Variants in KCNH5 observed in about 807,000 individuals in gnomAD.
KCNH5 encodes potassium voltage-gated channel subfamily H member 5.
In KCNH5, 46 loss-of-function variants were observed where a neutral mutation model predicts 96.1. The observed-to-expected ratio is 0.48, with a 90% confidence interval of 0.38 to 0.61. The LOEUF (loss-of-function observed/expected upper bound fraction) is 0.61, where lower values mean the gene tolerates loss of function less well. Ranked by LOEUF, KCNH5 falls within the 20% of genes least tolerant of loss-of-function variation. KCNH5 has a pLI of 0.00. For synonymous variants in KCNH5, 439 were observed against 449.8 expected (o/e 0.98, Z 0.30); for missense variants, 907 against 1,225.8 (o/e 0.74, Z 3.88).
chr14:62,991,204 C>G (rs901317547), intron 4 of KCNH5, among the ~76,000 whole-genome samples: 1 of 151,990 alleles, frequency 6.6e-6, no homozygotes, highest in Non-Finnish European at 1.5e-5. Flanking sequence ...AATAGGAGTA[C>G]AGCATCTGCA....
rs1884351285 is a variant in KCNH5, at chr14:62,701,738, C to G, written c.*5770G>C. On this transcript the variant is annotated 3_prime_UTR_variant, in exon 11 of 11. Transcript: ENST00000322893. ...CTCAAGACACTTGCTTTAGAAATCT[C>G]AAAGGGTAGAACAAATAAATCACAT... 1 of 151,990 alleles carries G rather than the reference C, an allele frequency of 6.6e-6. No individual in the cohort carries two copies. The highest frequency in any genetic ancestry group is 6.6e-5 in the Admixed American group (1 of 15,240). The allele number at this position is 151,990 out of a possible 1,614,324, so 9.4% of individuals were successfully genotyped here.
At chr14:62,851,039 T>C (rs927138758) in intron 7 of KCNH5, among the ~76,000 whole-genome samples, 1 of 152,230 alleles carries the variant, frequency 6.6e-6, no homozygotes, top group African/African-American at 2.4e-5. Context: ...AGATCTTTAA[T>C]ATACTGCTTT....
chr14:62,870,688 T>C (rs906933643), intron 7 of KCNH5, among the ~76,000 whole-genome samples: 1 of 152,190 alleles, frequency 6.6e-6, no homozygotes. Flanking sequence ...GGCATAGTTT[T>C]AATACAAAGT....
At chr14:62,880,584 A>C (rs972265474) in intron 7 of KCNH5, among the ~76,000 whole-genome samples, 1 of 152,182 alleles carries the variant, frequency 6.6e-6, no homozygotes, top group Admixed American at 6.6e-5. Context: ...TGTTTTCTGG[A>C]ACTGGAAACT....
chr14:62,864,209 G>A (rs945599492), intron 7 of KCNH5, among the ~76,000 whole-genome samples: 1 of 152,110 alleles, frequency 6.6e-6, no homozygotes, highest in African/African-American at 2.4e-5. Flanking sequence ...AGACTTTTCT[G>A]TATTAATTGA....
chr14:62,910,145 TACACACACAC>T lies in KCNH5; in HGVS notation c.1369+39978_1369+39987del, dbSNP rs111386925. Among the ~76,000 whole-genome samples, 61 of 144,046 alleles carry T rather than the reference TACACACACAC, an allele frequency of 4.2e-4. 1 individual carries two copies. Among genetic ancestry groups the T allele is most frequent in the Middle Eastern group, 7.1e-3 (2 of 280 alleles). 94.5% of individuals were successfully genotyped at this position (144,046 alleles called of 152,430 possible). On this transcript the variant is annotated intron_variant, in intron 7 of 10. Transcript: ENST00000322893. ...AAGGCAATTCACTACACTAACATGT[TACACACACAC>T]ACACACACACACACACACACAAGCT...
chr14:62,725,045 T>C (rs899179635), intron 10 of KCNH5, among the ~76,000 whole-genome samples: 14 of 152,216 alleles, frequency 9.2e-5, no homozygotes, highest in Non-Finnish European at 1.8e-4. Context: ...AAAATAATAT[T>C]CTAACACATT....
At chr14:62,801,939 T>C (rs1195218002) in intron 9 of KCNH5, among the ~76,000 whole-genome samples, 1 of 152,152 alleles carries the variant, frequency 6.6e-6, no homozygotes, top group East Asian at 1.9e-4. Flanking sequence ...TTGGCTCCTC[T>C]CTAAAGAAAA....
chr14:62,760,711 T>G (rs1885728815), intron 10 of KCNH5, among the ~76,000 whole-genome samples: 1 of 152,224 alleles, frequency 6.6e-6, no homozygotes, highest in African/African-American at 2.4e-5. Flanking sequence ...CCTTGCTGGG[T>G]CATCTGAGTG....
chr14:62,958,454 T>C (rs1890147269), intron 6 of KCNH5, among the ~76,000 whole-genome samples: 4 of 152,148 alleles, frequency 2.6e-5, no homozygotes. Context: ...CTAAAATTTG[T>C]TATATTCCAA....
At chr14:62,844,835 G>C (rs973864685) in intron 8 of KCNH5, among the ~76,000 whole-genome samples, 1 of 152,106 alleles carries the variant, frequency 6.6e-6, no homozygotes, top group African/African-American at 2.4e-5. Flanking sequence ...TTAAATCACA[G>C]TGATTAATTT....
intron 7 of KCNH5, among the ~76,000 whole-genome samples, chr14:62,873,965 A>G (rs917735870): frequency 6.6e-6 from 1 of 152,154 alleles, no homozygotes; most frequent in African/African-American, 2.4e-5. Context: ...CGGGGTCTCA[A>G]TATGCACTAA....
At chr14:62,713,891 G>T (rs1203657312) in intron 10 of KCNH5, among the ~76,000 whole-genome samples, 1 of 152,150 alleles carries the variant, frequency 6.6e-6, no homozygotes, top group Non-Finnish European at 1.5e-5. Context: ...GAGTGACACT[G>T]AATATTTATT....
chr14:62,967,757 T>A (rs1890330512), intron 6 of KCNH5, among the ~76,000 whole-genome samples: 1 of 152,164 alleles, frequency 6.6e-6, no homozygotes, highest in Non-Finnish European at 1.5e-5. Context: ...CAATAAACAG[T>A]AACCTCTATG....
intron 7 of KCNH5, among the ~76,000 whole-genome samples, chr14:62,928,995 C>T (rs1889529052): frequency 6.6e-6 from 1 of 152,070 alleles, no homozygotes; most frequent in Non-Finnish European, 1.5e-5. Context: ...CCCCTGAACT[C>T]CAGATTTGTC....
chr14:62,770,118 A>G (rs1885953706), intron 10 of KCNH5, among the ~76,000 whole-genome samples: 1 of 152,170 alleles, frequency 6.6e-6, no homozygotes, highest in Non-Finnish European at 1.5e-5. Flanking sequence ...AGAAAAGAAA[A>G]AAAAGTAGTT....
intron 9 of KCNH5, among the ~76,000 whole-genome samples, chr14:62,796,192 G>A (rs765793027): frequency 3.3e-5 from 5 of 152,100 alleles, no homozygotes; most frequent in Admixed American, 6.6e-5. Context: ...TGGTGGCAGC[G>A]AAACATTGAA....
intron 7 of KCNH5, among the ~76,000 whole-genome samples, chr14:62,864,426 C>G (rs955899652): frequency 1.3e-5 from 2 of 152,100 alleles, no homozygotes; most frequent in Non-Finnish European, 2.9e-5. Flanking sequence ...CCACTGTTTT[C>G]TTTTCTTGCT....
At chr14:62,928,426 AG>A (rs1435118938) in intron 7 of KCNH5, among the ~76,000 whole-genome samples, 1 of 152,138 alleles carries the variant, frequency 6.6e-6, no homozygotes, top group African/African-American at 2.4e-5. Flanking sequence ...AGAGGTTTCT[AG>A]AAACAACAGC....
Sources: gnomAD v4.1 joint callset for allele counts (sites outside exome capture counted in the v4.1 genomes callset) on GRCh38, gnomAD v4.1.1 for gene constraint, MANE v1.5 for transcripts, NCBI Gene and HGNC (gene_info 2026-07-23, HGNC 2026-07-21) for gene names.